TM2D3: variants seen among roughly 807,000 people sequenced by gnomAD.
TM2D3 encodes the protein TM2 domain containing 3.
Under a neutral mutation model 27.3 loss-of-function variants are expected in TM2D3, and 33 were observed. The observed-to-expected ratio is 1.21, with a 90% CI of 0.92 to 1.61. The LOEUF (loss-of-function observed/expected upper bound fraction) is 1.61. Ranked by LOEUF, TM2D3 falls within the 40% of genes most tolerant of loss-of-function variation. TM2D3 has a pLI of 0.00. For synonymous variants in TM2D3, 138 were observed against 122.2 expected, an observed-to-expected ratio of 1.13 and a Z score of -0.85; for missense variants, 364 against 320.8, an observed-to-expected ratio of 1.13 and a Z score of -1.03.
rs750999015 is a variant in TM2D3, at chr15:101,645,095, C to CAG, written c.568_569dup (p.Ala191TrpfsTer3). ...CGAGTAACAAGGCTTACCTTAGAGC[C>CAG]AGAGCCGTAGACCACTTATAGCCTC... On this transcript the variant is annotated frameshift_variant, in exon 5 of 6. Transcript: ENST00000333202. LOFTEE classifies it high-confidence loss of function. The CAG allele has an allele frequency of 1.1e-5, 17 of 1,613,116 alleles. No individual in the cohort carries two copies. The highest frequency in any genetic ancestry group is 2.7e-5 in the African/African-American group (2 of 74,700).
rs149437101 is a variant in TM2D3 at position 101,652,325 on chromosome 15, C to A, written c.37G>T (p.Ala13Ser). Reference protein sequence around the residue: ...GGVLPLRGLRALCRVLLFLSQ... With the variant: ...GGVLPLRGLRSLCRVLLFLSQ... ...AGGAAGAGCAGCACGCGACACAAGG[C>A]GCGGAGGCCCCTCAGCGGGAGCACC... Residue 13 changes from alanine to serine, a missense_variant, in exon 1 of 6, where the codon GCC (alanine) becomes TCC (serine). Ala to Ser is a moderately conservative substitution (Grantham distance 99). Coordinates refer to ENST00000333202, the MANE Select transcript of TM2D3 (RefSeq NM_078474.3). 1.9e-5 allele frequency: 30 copies of A among 1,602,290 alleles called. No homozygotes were observed. In the East Asian group the frequency reaches 5.3e-4, roughly 28 times the overall value.
chr15:101,647,243 A>G (rs970467844), intron 3 of TM2D3, among the ~76,000 whole-genome samples: 1 of 152,206 alleles, frequency 6.6e-6, no homozygotes, highest in African/African-American at 2.4e-5. Flanking sequence ...ATAATGCAGA[A>G]AAGAGGAAAA....
intron 3 of TM2D3, among the ~76,000 whole-genome samples, chr15:101,649,625 C>A (rs1417064704): frequency 3.3e-5 from 5 of 152,206 alleles, no homozygotes; most frequent in African/African-American, 1.2e-4. Flanking sequence ...TCATCTATGG[C>A]AGAAAGACAC....
In TM2D3 at chr15:101,642,262, T is replaced by C. The variant is rs906381601; in HGVS notation, c.*217A>G. 8.1e-7 allele frequency: 1 copy of C among 1,233,334 alleles called. No individual in the cohort carries two copies. Among genetic ancestry groups the C allele is most frequent in the Non-Finnish European group, 1.0e-6 (1 of 986,414 alleles). 76.4% of individuals were successfully genotyped at this position (1,233,334 alleles called of 1,614,324 possible). A position where few individuals can be genotyped will look rare whatever the true frequency, so the allele number is the denominator to read the frequency against. ...ATTCATTCTCCTGGCTTAAGTACGT[T>C]TTAATTTTTTCACAGAAAAAAATAT... On this transcript the variant is annotated 3_prime_UTR_variant, in exon 6 of 6. Transcript: ENST00000333202.
chr15:101,642,509 A>C lies in TM2D3; in HGVS notation c.714T>G (p.Val238=). The C allele has an allele frequency of 1.2e-6, 2 of 1,613,414 alleles. No individual in the cohort carries two copies. Among genetic ancestry groups the C allele is most frequent in the Non-Finnish European group, 1.7e-6 (2 of 1,179,710 alleles). The change falls in exon 6 of 6, where the codon GTT becomes GTG. Residue 238 remains valine, a synonymous_variant. Coordinates refer to ENST00000333202, the MANE Select transcript of TM2D3 (RefSeq NM_078474.3). ...TGTACAAAGAGCCATCTGCTGGTCC[A>C]ACATAGCCAACTCCAATGAGCAGGA... ...IDVLLIGVGY[V]GPADGSLYI is the part of the protein sequence containing the mutation.
intron 2 of TM2D3, 102 bp downstream of exon 2, chr15:101,651,594 A>T: frequency 8.5e-7 from 1 of 1,175,688 alleles, no homozygotes; most frequent in Non-Finnish European, 1.2e-6. Context: ...AATATTCAAA[A>T]ATGGAAAGTG....
intron 4 of TM2D3, 185 bp from the exon 5 acceptor site, chr15:101,645,347 A>G (rs1216604059): frequency 1.7e-6 from 1 of 596,140 alleles, no homozygotes; most frequent in East Asian, 2.8e-5. Flanking sequence ...TAAATCAGCT[A>G]AGTTAGGATT....
At chr15:101,651,107 T>C (rs1381868496) in intron 2 of TM2D3, 1 of 152,804 alleles carries the variant, frequency 6.5e-6, no homozygotes, top group Non-Finnish European at 1.5e-5. Context: ...TAAGGAACAA[T>C]TCTACAAAAT....
downstream of TM2D3, among the ~76,000 whole-genome samples, chr15:101,638,039 A>G (rs1351033276): frequency 6.6e-6 from 1 of 152,070 alleles, no homozygotes; most frequent in Non-Finnish European, 1.5e-5. Flanking sequence ...AGGATTTTCT[A>G]AATGTCCTGA....
chr15:101,643,913 A>G (rs2141362930), intron 5 of TM2D3, among the ~76,000 whole-genome samples: 2 of 152,186 alleles, frequency 1.3e-5, no homozygotes, highest in East Asian at 3.9e-4. Context: ...GCAGTGGTGC[A>G]ATGCCAGCTC....
At chr15:101,638,325 G>C (rs553203950), downstream of TM2D3, among the ~76,000 whole-genome samples, 1 of 149,752 alleles carries the variant, frequency 6.7e-6, no homozygotes, top group Non-Finnish European at 1.5e-5. Flanking sequence ...ACAGAGTTTC[G>C]CTCTTGTTGC....
At chr15:101,650,706 T>C (rs1000315610) in intron 2 of TM2D3, 2 of 152,164 alleles carry the variant, frequency 1.3e-5, no homozygotes, top group South Asian at 2.1e-4. Context: ...GCTAATATAA[T>C]ATTTACAGTT....
At position 101,646,766 on chromosome 15, in the gene TM2D3, T is replaced by C; in HGVS notation, c.461A>G (p.Tyr154Cys). Reference protein sequence around the residue: ...CMTVSCPRQRYPANCTVRDHV... With the variant: ...CMTVSCPRQRCPANCTVRDHV... ...GTCCCGCACCGTGCAGTTGGCAGGG[T>C]AGCGCTGCCGAGGACAGGACACCGT... is the stretch of plus-strand genomic sequence containing the variant. Residue 154 changes from tyrosine (Y) to cysteine (C), a missense_variant, in exon 4 of 6, where the codon TAC becomes TGC. Coordinates refer to ENST00000333202, the MANE Select transcript of TM2D3 (RefSeq NM_078474.3). 1 of 1,614,186 alleles carries C rather than the reference T, an allele frequency of 6.2e-7. No individual in the cohort carries two copies. The highest frequency in any genetic ancestry group is 1.1e-5 in the South Asian group (1 of 91,082).
chr15:101,642,817 C>A (rs1405479482), intron 5 of TM2D3, among the ~76,000 whole-genome samples, 173 bp from the exon 6 acceptor site: 2 of 152,182 alleles, frequency 1.3e-5, no homozygotes, highest in Non-Finnish European at 2.9e-5. Flanking sequence ...TAATTACGGG[C>A]AGGAAGACAG....
At chr15:101,635,968 T>G (rs1437740982) in intron 4 of TM2D3, 1 of 152,166 alleles carries the variant, frequency 6.6e-6, no homozygotes, top group Non-Finnish European at 1.5e-5. Context: ...GCCGTTTCTT[T>G]TTTTTTAAGA....
intron 4 of TM2D3, chr15:101,646,442 C>T (rs1896812083): frequency 2.4e-6 from 1 of 418,030 alleles, no homozygotes; most frequent in East Asian, 5.4e-5. Context: ...GGTATTGGTG[C>T]TGCTTTCATT....
In TM2D3 at chr15:101,633,509, C is replaced by T. The variant is rs185258437; in HGVS notation, c.*168G>A. 7.8e-6 allele frequency: 4 copies of T among 510,068 alleles called. No homozygotes were observed. The Admixed American group carries it at 1.0e-4, about 13-fold the overall frequency. The allele number at this position is 510,068 out of a possible 1,614,324, so 31.6% of individuals were successfully genotyped here. A position where few individuals can be genotyped will look rare whatever the true frequency, so the allele number is the denominator to read the frequency against. The stretch of plus-strand genomic sequence containing the variant: ...AGGCCCTCAGATCCCGAAGGACACC[C>T]ACAGATTTTGCAATGTGTTCCTGAA... On this transcript the variant is annotated 3_prime_UTR_variant, in exon 5 of 5. Coordinates refer to the TM2D3 transcript ENST00000428002.
chr15:101,645,657 T>G (rs2141364715), intron 4 of TM2D3: 1 of 152,512 alleles, frequency 6.6e-6, no homozygotes, highest in South Asian at 2.1e-4. Context: ...ATGTGAAATG[T>G]TATACTTACA....
intron 4 of TM2D3, 119 bp downstream of exon 4, chr15:101,646,606 A>G: frequency 9.4e-7 from 1 of 1,063,612 alleles, no homozygotes; most frequent in Non-Finnish European, 1.4e-6. Flanking sequence ...GCACATCTAA[A>G]GAGCTGCTGA....
Sources: gnomAD v4.1 joint callset for allele counts (sites outside exome capture counted in the v4.1 genomes callset) on GRCh38, gnomAD v4.1.1 for gene constraint, MANE v1.5 for transcripts, NCBI Gene and HGNC (gene_info 2026-07-23, HGNC 2026-07-21) for gene names.